MEGF11: variants seen among roughly 807,000 people sequenced by gnomAD.
MEGF11 encodes multiple epidermal growth factor-like domains protein 11.
A neutral mutation model predicts 146.6 loss-of-function variants in MEGF11; 126 were observed. The observed-to-expected ratio is 0.86, with a 90% CI of 0.74 to 1.00. The LOEUF (loss-of-function observed/expected upper bound fraction) is 1.00, where lower values mean the gene tolerates loss of function less well. Among genes scored for constraint, MEGF11 ranks in the 50% least tolerant of loss-of-function variants. The pLI is 0.00. For missense variants in MEGF11, 1,509 were observed against 1,521.2 expected (o/e 0.99, Z 0.13); for synonymous variants, 532 against 583.4 (o/e 0.91, Z 1.27).
intron 1 of MEGF11, among the ~76,000 whole-genome samples, chr15:66,133,318 G>A (rs960328758): frequency 1.3e-5 from 2 of 152,220 alleles, no homozygotes; most frequent in Admixed American, 6.5e-5. Context: ...GTTGGGGACT[G>A]GGTGTTCCAG....
chr15:66,029,442 C>A (rs2083444076), intron 5 of MEGF11, among the ~76,000 whole-genome samples: 2 of 152,220 alleles, frequency 1.3e-5, no homozygotes, highest in South Asian at 4.1e-4. Flanking sequence ...GTGCCTGAGA[C>A]AGTCCCAGTT....
chr15:66,142,377 A>C (rs1458457017), intron 1 of MEGF11, among the ~76,000 whole-genome samples: 1 of 152,242 alleles, frequency 6.6e-6, no homozygotes, highest in Non-Finnish European at 1.5e-5. Flanking sequence ...ATCTAGACAG[A>C]ACAGGCGCCC....
intron 5 of MEGF11, among the ~76,000 whole-genome samples, chr15:66,008,970 T>C (rs901677509): frequency 6.6e-6 from 1 of 152,186 alleles, no homozygotes; most frequent in Non-Finnish European, 1.5e-5. Context: ...TAAATTTCTG[T>C]TCCAGCCTGC....
At chr15:66,243,383 A>G (rs545705678) in intron 1 of MEGF11, among the ~76,000 whole-genome samples, 2 of 152,364 alleles carry the variant, frequency 1.3e-5, no homozygotes, top group African/African-American at 4.8e-5. Context: ...AGGTCAGCCC[A>G]GCCCCAGGGT....
At chr15:66,104,686 T>C (rs1297414547) in intron 4 of MEGF11, among the ~76,000 whole-genome samples, 2 of 152,168 alleles carry the variant, frequency 1.3e-5, no homozygotes, top group African/African-American at 4.8e-5. Context: ...CTTCTTACAT[T>C]ACAGATAAGA....
chr15:65,997,994 T>G (rs2082251440), intron 5 of MEGF11, among the ~76,000 whole-genome samples: 3 of 147,670 alleles, frequency 2.0e-5, no homozygotes, highest in African/African-American at 5.0e-5. Flanking sequence ...TGTCCCGGGG[T>G]GGGGAAAGGC....
chr15:65,970,520 G>A, intron 8 of MEGF11, 33 bp downstream of exon 8: 4 of 1,602,818 alleles, frequency 2.5e-6, no homozygotes, highest in Non-Finnish European at 2.6e-6. Flanking sequence ...GAGTAAAATG[G>A]ACAGCAAAGA....
At chr15:66,065,782 C>T (rs567127423) in intron 5 of MEGF11, among the ~76,000 whole-genome samples, 4 of 152,252 alleles carry the variant, frequency 2.6e-5, no homozygotes, top group South Asian at 2.1e-4. Flanking sequence ...TGGCAAACAT[C>T]AAGATCTCCC....
At chr15:66,150,868 G>T (rs2089549134) in intron 1 of MEGF11, among the ~76,000 whole-genome samples, 1 of 116,804 alleles carries the variant, frequency 8.6e-6, no homozygotes, top group African/African-American at 3.2e-5. Context: ...GAGAGAGAGA[G>T]AGGAAAGAAT....
chr15:65,930,324 T>TC (rs2079529917), intron 11 of MEGF11, among the ~76,000 whole-genome samples: 2 of 151,962 alleles, frequency 1.3e-5, no homozygotes, highest in South Asian at 4.2e-4. Flanking sequence ...CATCCCAGGC[T>TC]CCCCCTCAGC....
chr15:65,984,325 A>G (rs1186785293), intron 5 of MEGF11, among the ~76,000 whole-genome samples: 1 of 152,046 alleles, frequency 6.6e-6, no homozygotes, highest in African/African-American at 2.4e-5. Flanking sequence ...CAAGAGTTCA[A>G]GAACAGCCTG....
intron 1 of MEGF11, among the ~76,000 whole-genome samples, chr15:66,197,669 G>A (rs566555900): frequency 5.9e-5 from 9 of 152,062 alleles, no homozygotes; most frequent in East Asian, 1.9e-4. Flanking sequence ...TGATCCGCCC[G>A]CCTCAACCTC....
chr15:65,937,461 A>G (rs1156342369), intron 10 of MEGF11, among the ~76,000 whole-genome samples: 3 of 152,176 alleles, frequency 2.0e-5, no homozygotes. Context: ...ATTCATGTTA[A>G]TGCAAGATAA....
At chr15:65,899,240 G>A (rs2078432539) in intron 24 of MEGF11, among the ~76,000 whole-genome samples, 2 of 152,134 alleles carry the variant, frequency 1.3e-5, no homozygotes, top group Non-Finnish European at 2.9e-5. Flanking sequence ...TTCCTGCAAG[G>A]GTTGCTGATA....
chr15:66,082,448 A>T lies in MEGF11; in HGVS notation c.394+11954T>A, dbSNP rs1401446769. ...ACTAAAAAAAAAAAAAAAAAAAAAA[A>T]AAAAAAAAAAAAAAAAAAATCTATC... On this transcript the variant is annotated intron_variant, in intron 5 of 25. Transcript: ENST00000395614. 4.8e-4 allele frequency among the ~76,000 whole-genome samples: 54 copies of T among 113,354 alleles called. 1 individual carries two copies. Among genetic ancestry groups the T allele is most frequent in the African/African-American group, 2.0e-3 (53 of 26,624 alleles). 74.4% of individuals were successfully genotyped at this position (113,354 alleles called of 152,430 possible).
intron 1 of MEGF11, among the ~76,000 whole-genome samples, chr15:66,213,755 T>C (rs1267500782): frequency 3.3e-5 from 5 of 151,964 alleles, no homozygotes; most frequent in South Asian, 4.1e-4. Flanking sequence ...TTAATTTTAA[T>C]TTAAATAACC....
intron 13 of MEGF11, 56 bp from the exon 14 acceptor site, chr15:65,923,025 G>A: frequency 6.4e-7 from 1 of 1,573,672 alleles, no homozygotes; most frequent in Non-Finnish European, 8.6e-7. Context: ...ATGAAGGGAA[G>A]AATGGAGGGA....
chr15:66,083,462 T>A (rs2085979782), intron 5 of MEGF11, among the ~76,000 whole-genome samples: 1 of 152,112 alleles, frequency 6.6e-6, no homozygotes, highest in African/African-American at 2.4e-5. Context: ...AATGGAATCT[T>A]TATAAAAAAT....
chr15:65,913,549 G>A lies in MEGF11; in HGVS notation c.2710+188C>T, dbSNP rs2078884914. The A allele has an allele frequency of 8.1e-6, 5 of 617,648 alleles. No individual in the cohort carries two copies. The South Asian group carries it at 9.8e-5, about 12-fold the overall frequency. The allele number at this position is 617,648 out of a possible 1,614,324, so 38.3% of individuals were successfully genotyped here. On this transcript the variant is annotated intron_variant, in intron 20 of 25. Transcript: ENST00000395614. ...CAGCTGCTCAGAGCTAGGGACTCAG[G>A]AAACAATTTTCCCTTGGAACCCCAG...
Sources: gnomAD v4.1 joint callset for allele counts (sites outside exome capture counted in the v4.1 genomes callset) on GRCh38, gnomAD v4.1.1 for gene constraint, MANE v1.5 for transcripts, NCBI Gene and HGNC (gene_info 2026-07-23, HGNC 2026-07-21) for gene names.